JAKMIP3: variants seen among roughly 807,000 people sequenced by gnomAD.
JAKMIP3 encodes janus kinase and microtubule-interacting protein 3.
Under a neutral mutation model 118.5 loss-of-function variants are expected in JAKMIP3, and 58 were observed. That is an observed-to-expected ratio of 0.49 (90% CI 0.40 to 0.61). JAKMIP3 has a LOEUF of 0.61. JAKMIP3 is among the 20% of genes least tolerant of loss of function. JAKMIP3 has a pLI of 0.00. For synonymous variants in JAKMIP3, 486 were observed against 451.2 expected, an observed-to-expected ratio of 1.08 and a Z score of -0.98; for missense variants, 950 against 1,109.0, an observed-to-expected ratio of 0.86 and a Z score of 2.04.
At chr10:132,125,944 T>A (rs1303261494) in intron 3 of JAKMIP3, among the ~76,000 whole-genome samples, 1 of 152,218 alleles carries the variant, frequency 6.6e-6, no homozygotes, top group Non-Finnish European at 1.5e-5. Context: ...GGGGTTGTTT[T>A]TTGAGAGATA....
In JAKMIP3 at chr10:132,182,821, G is replaced by A. The variant is rs2061601665; in HGVS notation, c.*1568G>A. ...CAGATGACACGGTGGCTGCGGACCAGGCATGGCTCCCTAGGTTGAAATCAG... is the reference window on the plus strand; with the variant it reads ...CAGATGACACGGTGGCTGCGGACCAAGCATGGCTCCCTAGGTTGAAATCAG... On this transcript the variant is annotated 3_prime_UTR_variant, in exon 24 of 24. Transcript: ENST00000684848. 1 of 152,182 alleles carries A rather than the reference G, an allele frequency of 6.6e-6. No individual in the cohort carries two copies. Among genetic ancestry groups the A allele is most frequent in the Non-Finnish European group, 1.5e-5 (1 of 68,036 alleles). 9.4% of individuals were successfully genotyped at this position (152,182 alleles called of 1,614,324 possible).
rs375964213 is a variant in JAKMIP3, at chr10:132,042,496, C to T, written c.-138+5758C>T. On this transcript the variant is annotated intron_variant, in intron 1 of 23. Coordinates refer to the JAKMIP3 transcript ENST00000657785. Reference sequence around the variant, plus strand: ...ATGTTGGGATTCCAGGCGTGAGCCACGGCGCCTGCTGTGTTTCTCTTTTCA... The same window carrying T: ...ATGTTGGGATTCCAGGCGTGAGCCATGGCGCCTGCTGTGTTTCTCTTTTCA... 1.6e-4 allele frequency among the ~76,000 whole-genome samples: 25 copies of T among 152,324 alleles called. No homozygotes were observed. In the South Asian group the frequency reaches 1.7e-3, roughly 10 times the overall value.
intron 9 of JAKMIP3, among the ~76,000 whole-genome samples, chr10:132,139,706 G>A (rs2053073874): frequency 1.3e-5 from 2 of 152,222 alleles, no homozygotes; most frequent in African/African-American, 2.4e-5. Context: ...GAGGACACAG[G>A]GTGTGGGGAG....
intron 14 of JAKMIP3, among the ~76,000 whole-genome samples, 167 bp from the exon 15 acceptor site, chr10:132,149,245 C>T (rs2055329340): frequency 6.6e-6 from 1 of 152,170 alleles, no homozygotes; most frequent in Admixed American, 6.5e-5. Flanking sequence ...GGTCCAGGTC[C>T]AGTGCAGATT....
intron 1 of JAKMIP3, among the ~76,000 whole-genome samples, chr10:132,075,164 C>G (rs2134068376): frequency 6.6e-6 from 1 of 152,170 alleles, no homozygotes. Context: ...ATTTGAACTC[C>G]ATATTAATTT....
At chr10:132,139,929 T>C (rs1002575839) in intron 9 of JAKMIP3, among the ~76,000 whole-genome samples, 29 of 152,144 alleles carry the variant, frequency 1.9e-4, no homozygotes, top group Admixed American at 1.9e-3. Context: ...TCTTCGATTC[T>C]TGAAGGCAGG....
chr10:132,128,189 C>T (rs916457521), intron 3 of JAKMIP3, among the ~76,000 whole-genome samples: 2 of 152,244 alleles, frequency 1.3e-5, no homozygotes, highest in African/African-American at 2.4e-5. Flanking sequence ...CTGGAACTCT[C>T]ACATTGTCAG....
upstream of JAKMIP3, among the ~76,000 whole-genome samples, chr10:132,036,569 G>A (rs1412803036): frequency 1.3e-5 from 2 of 151,688 alleles, no homozygotes; most frequent in African/African-American, 2.4e-5. Flanking sequence ...GGGGGCCGTC[G>A]CCGAGCAAGG....
intron 1 of JAKMIP3, among the ~76,000 whole-genome samples, chr10:132,047,189 A>G (rs368000702): frequency 2.0e-5 from 3 of 152,142 alleles, no homozygotes; most frequent in Admixed American, 6.5e-5. Context: ...CAGGTTTTTT[A>G]AGGTAAAAAG....
Position 132,179,717 on chromosome 10 carries a change from C to A in JAKMIP3, c.*1104-2640C>A, listed in dbSNP as rs139392134. Among the ~76,000 whole-genome samples the A allele has an allele frequency of 1.3e-5, 2 of 150,540 alleles. No homozygotes were observed. Among genetic ancestry groups the A allele is most frequent in the African/African-American group, 5.0e-5 (2 of 40,054 alleles). On this transcript the variant is annotated intron_variant, in intron 23 of 23. Coordinates refer to ENST00000684848, the MANE Select transcript of JAKMIP3 (RefSeq NM_001323087.2). The surrounding 1 kb of genome is among the most constrained non-coding windows in gnomAD (Gnocchi z 4.3). Reference sequence around the variant, plus strand: ...GTCACACCACAGCAGGGCCACACCACGGCAGGGTCGCACCACAGCAGGGTC... The same window carrying A: ...GTCACACCACAGCAGGGCCACACCAAGGCAGGGTCGCACCACAGCAGGGTC...
intron 1 of JAKMIP3, among the ~76,000 whole-genome samples, chr10:132,096,042 G>C (rs562742934): frequency 6.6e-6 from 1 of 152,170 alleles, no homozygotes; most frequent in East Asian, 1.9e-4. Context: ...TCTTGGGGGG[G>C]TCTTCCTCTG....
chr10:132,060,413 G>C (rs137933745), upstream of JAKMIP3, among the ~76,000 whole-genome samples: 3 of 152,152 alleles, frequency 2.0e-5, no homozygotes, highest in Admixed American at 6.5e-5. Context: ...CAGAGAAAGC[G>C]CTTGATGACT....
intron 19 of JAKMIP3, 43 bp downstream of exon 19, chr10:132,154,033 G>A (rs1389465415): frequency 1.9e-6 from 3 of 1,584,578 alleles, no homozygotes; most frequent in African/African-American, 1.3e-5. Context: ...AGGGGCACTG[G>A]GCTGAAACGG....
intron 1 of JAKMIP3, among the ~76,000 whole-genome samples, chr10:132,055,527 T>C (rs1478176778): frequency 6.6e-6 from 1 of 152,194 alleles, no homozygotes; most frequent in Non-Finnish European, 1.5e-5. Flanking sequence ...CCGCAGGCCA[T>C]GATGAAATGG....
chr10:132,170,899 A>T (rs1003521647), intron 23 of JAKMIP3, among the ~76,000 whole-genome samples: 5 of 152,196 alleles, frequency 3.3e-5, no homozygotes, highest in African/African-American at 1.2e-4. Flanking sequence ...CGAATGCTAG[A>T]TCAGAAAGGA....
intron 1 of JAKMIP3, among the ~76,000 whole-genome samples, chr10:132,085,233 T>C (rs1289319860): frequency 6.6e-6 from 1 of 152,210 alleles, no homozygotes; most frequent in Non-Finnish European, 1.5e-5. Flanking sequence ...TTTATTACCA[T>C]TTCAGTCTCG....
intron 1 of JAKMIP3, among the ~76,000 whole-genome samples, chr10:132,081,147 A>G (rs2041714146): frequency 6.6e-6 from 1 of 152,064 alleles, no homozygotes; most frequent in Non-Finnish European, 1.5e-5. Flanking sequence ...TAAGGGTCCA[A>G]CTTCATTCTT....
intron 21 of JAKMIP3, among the ~76,000 whole-genome samples, chr10:132,165,307 A>G (rs2637654): frequency 0.79 from 119,772 of 151,816 alleles, 47,695 homozygotes; most frequent in East Asian, 0.96. Context: ...AGTCAGGATG[A>G]GGGGAGCACA....
chr10:132,152,450 T>C lies in JAKMIP3; in HGVS notation c.2008-508T>C, dbSNP rs372837785. ...GAAGGGCCACCCAGGGGCCCCTCGG[T>C]TGGGGAGGAAGCATGAATAAAACAT... On this transcript the variant is annotated intron_variant, in intron 16 of 23. Transcript: ENST00000684848. Among the ~76,000 whole-genome samples the C allele has an allele frequency of 5.9e-5, 9 of 152,092 alleles. No individual in the cohort carries two copies. In the South Asian group the frequency reaches 1.0e-3, roughly 18 times the overall value.
Sources: allele counts gnomAD v4.1 joint callset (sites outside exome capture counted in the v4.1 genomes callset), GRCh38; gene constraint gnomAD v4.1.1; non-coding constraint Gnocchi (gnomAD v3.1); transcripts MANE v1.5; gene names NCBI Gene and HGNC (gene_info 2026-07-23, HGNC 2026-07-21).